Variants in HS3ST4 observed in about 807,000 individuals in gnomAD.
HS3ST4 encodes the protein heparan sulfate-glucosamine 3-sulfotransferase 4, also known as heparan sulfate glucosamine 3-O-sulfotransferase 4.
A neutral mutation model predicts 29.2 loss-of-function variants in HS3ST4; 17 were observed. The ratio of observed to expected loss-of-function variants is 0.58; its 90% CI spans 0.40 to 0.87. The LOEUF is 0.87. Ranked by LOEUF, HS3ST4 falls within the 40% of genes least tolerant of loss-of-function variation. The probability of loss-of-function intolerance (pLI) is 0.00; values close to 1 mark genes in which losing one functional copy is unlikely to be tolerated. For synonymous variants in HS3ST4, 314 were observed against 285.7 expected, an observed-to-expected ratio of 1.10 and a Z score of -1.00; for missense variants, 627 against 634.5, an observed-to-expected ratio of 0.99 and a Z score of 0.13.
chr16:25,720,414 G>T (rs1199967321), intron 1 of HS3ST4, among the ~76,000 whole-genome samples: 1 of 152,170 alleles, frequency 6.6e-6, no homozygotes, highest in African/African-American at 2.4e-5. Flanking sequence ...GCAAGTGCTG[G>T]TGAAGAATCA....
chr16:25,804,790 G>A (rs1204390382), intron 1 of HS3ST4, among the ~76,000 whole-genome samples: 1 of 152,074 alleles, frequency 6.6e-6, no homozygotes, highest in Non-Finnish European at 1.5e-5. Flanking sequence ...GCCATTGGGA[G>A]CCTTATCTCA....
At chr16:25,820,956 T>G (rs1366133643) in intron 1 of HS3ST4, among the ~76,000 whole-genome samples, 1 of 152,174 alleles carries the variant, frequency 6.6e-6, no homozygotes, top group Non-Finnish European at 1.5e-5. Flanking sequence ...ATGAAGAGTT[T>G]ACTCATTTTA....
intron 1 of HS3ST4, among the ~76,000 whole-genome samples, chr16:26,098,580 G>C (rs143157848): frequency 3.9e-5 from 6 of 152,230 alleles, no homozygotes; most frequent in Non-Finnish European, 4.4e-5. Context: ...ACCAGGGCCT[G>C]TCAGGGGGTG....
At position 26,051,912 on chromosome 16, in the gene HS3ST4, C is replaced by CCCTT. The variant is rs1340165050; in HGVS notation, c.735-83677_735-83674dup. On this transcript the variant is annotated intron_variant, in intron 1 of 1. Coordinates refer to ENST00000331351, the MANE Select transcript of HS3ST4 (RefSeq NM_006040.3). ...TCCCTCCCTCCCTCCCTCCCTCCCTCCCTTCCTTCCTTCCTTCCTTCCTTC... is the reference window on the plus strand; with the variant it reads ...TCCCTCCCTCCCTCCCTCCCTCCCTCCCTTCCTTCCTTCCTTCCTTCCTTCCTTC... Among the ~76,000 whole-genome samples the CCCTT allele has an allele frequency of 4.1e-3, 444 of 108,124 alleles. 9 individuals are homozygous for CCCTT. Among genetic ancestry groups the CCCTT allele is most frequent in the Middle Eastern group, 5.7e-3 (1 of 176 alleles). 70.9% of individuals were successfully genotyped at this position (108,124 alleles called of 152,430 possible).
At chr16:26,130,809 G>A (rs989596419) in intron 1 of HS3ST4, among the ~76,000 whole-genome samples, 1 of 152,174 alleles carries the variant, frequency 6.6e-6, no homozygotes, top group Non-Finnish European at 1.5e-5. Flanking sequence ...CTCCCTGGCA[G>A]GTGGAACTTG....
intron 1 of HS3ST4, among the ~76,000 whole-genome samples, chr16:26,075,275 G>T (rs1335794182): frequency 6.6e-6 from 1 of 152,056 alleles, no homozygotes; most frequent in Non-Finnish European, 1.5e-5. Flanking sequence ...CCTGCAATAT[G>T]GGCTAGCCAA....
chr16:25,767,013 CA>C (rs5816323), intron 1 of HS3ST4, among the ~76,000 whole-genome samples: 8,260 of 149,282 alleles, frequency 0.055, 719 homozygotes, highest in African/African-American at 0.19. Context: ...TGCAAACTGA[CA>C]AAAAAAAAGG....
chr16:26,132,201 AGAAT>A (rs2141816720), intron 1 of HS3ST4, among the ~76,000 whole-genome samples: 1 of 152,322 alleles, frequency 6.6e-6, no homozygotes, highest in East Asian at 1.9e-4. Context: ...AATGAATGAA[AGAAT>A]GAATGAATGA....
At chr16:26,040,909 T>C (rs1042152067) in intron 1 of HS3ST4, among the ~76,000 whole-genome samples, 8 of 152,140 alleles carry the variant, frequency 5.3e-5, no homozygotes, top group African/African-American at 1.7e-4. Context: ...ATCTCTGTTT[T>C]GCAGATAAGC....
At chr16:26,058,553 G>A (rs949638839) in intron 1 of HS3ST4, among the ~76,000 whole-genome samples, 1 of 152,128 alleles carries the variant, frequency 6.6e-6, no homozygotes, top group African/African-American at 2.4e-5. Context: ...AATGGATTGT[G>A]CTCTCTCCTG....
intron 1 of HS3ST4, among the ~76,000 whole-genome samples, chr16:25,844,880 A>G (rs34411026): frequency 0.33 from 49,576 of 152,132 alleles, 9,119 homozygotes; most frequent in Non-Finnish European, 0.4. Flanking sequence ...AAAAAGGAAC[A>G]AGATCATGTT....
intron 1 of HS3ST4, among the ~76,000 whole-genome samples, chr16:26,006,047 C>T (rs1310432064): frequency 1.3e-5 from 2 of 151,890 alleles, no homozygotes; most frequent in African/African-American, 4.8e-5. Context: ...ACCTGTAATC[C>T]CAGTACTTTG....
At chr16:26,016,121 T>C (rs1007715296) in intron 1 of HS3ST4, among the ~76,000 whole-genome samples, 1 of 152,250 alleles carries the variant, frequency 6.6e-6, no homozygotes, top group Non-Finnish European at 1.5e-5. Context: ...TAGACATGTA[T>C]GGCTTGCATA....
At chr16:25,783,046 G>GA (rs1263935705) in intron 1 of HS3ST4, among the ~76,000 whole-genome samples, 1 of 151,862 alleles carries the variant, frequency 6.6e-6, no homozygotes, top group African/African-American at 2.4e-5. Flanking sequence ...TGCTTTCTTT[G>GA]AAAAAAAGAA....
At chr16:25,884,856 T>C (rs7201231) in intron 1 of HS3ST4, among the ~76,000 whole-genome samples, 30,755 of 152,200 alleles carry the variant, frequency 0.2, 3,900 homozygotes, top group Non-Finnish European at 0.3. Flanking sequence ...ATTACAGGCG[T>C]CAACCACTGC....
intron 1 of HS3ST4, among the ~76,000 whole-genome samples, chr16:25,938,759 G>A (rs985132137): frequency 1.3e-5 from 2 of 152,098 alleles, no homozygotes; most frequent in Non-Finnish European, 2.9e-5. Flanking sequence ...TGCAGGCTCA[G>A]CTTAAATATC....
intron 1 of HS3ST4, among the ~76,000 whole-genome samples, chr16:26,024,093 A>G (rs563625136): frequency 7.2e-5 from 11 of 152,090 alleles, no homozygotes; most frequent in African/African-American, 2.7e-4. Context: ...ATGTGGTGGC[A>G]CATGCCTGTA....
chr16:25,986,411 TA>T (rs1276203699), intron 1 of HS3ST4, among the ~76,000 whole-genome samples: 1 of 152,218 alleles, frequency 6.6e-6, no homozygotes, highest in Non-Finnish European at 1.5e-5. Flanking sequence ...GGGAGTGTTT[TA>T]TTTTCATTGG....
intron 1 of HS3ST4, among the ~76,000 whole-genome samples, chr16:26,022,901 G>A (rs948148342): frequency 2.0e-5 from 3 of 152,092 alleles, no homozygotes; most frequent in African/African-American, 4.8e-5. Context: ...GCTTAGCTGG[G>A]TGTGGTGGCG....
Sources: allele counts gnomAD v4.1 joint callset (sites outside exome capture counted in the v4.1 genomes callset), GRCh38; gene constraint gnomAD v4.1.1; transcripts MANE v1.5; gene names NCBI Gene and HGNC (gene_info 2026-07-23, HGNC 2026-07-21).